Variants in SPON1 observed in about 807,000 individuals in gnomAD.
The protein encoded by SPON1 is spondin-1.
SPON1 carries 52 observed loss-of-function variants against 111.7 expected under a neutral mutation model. That is an observed-to-expected ratio of 0.47 (90% CI 0.37 to 0.59). The LOEUF is 0.59. SPON1 is among the 20% of genes least tolerant of loss of function. The pLI, the probability that SPON1 is intolerant of heterozygous loss-of-function variation, is 0.00. For missense variants in SPON1, 957 were observed against 1,068.5 expected (o/e 0.90, Z 1.46); for synonymous variants, 410 against 395.8 (o/e 1.04, Z -0.43).
intron 5 of SPON1, among the ~76,000 whole-genome samples, chr11:14,111,459 A>G (rs190376701): frequency 2.3e-4 from 35 of 152,332 alleles, no homozygotes; most frequent in African/African-American, 8.2e-4. Flanking sequence ...AGAAGTCTTC[A>G]CTTTTAAGAG....
intron 6 of SPON1, among the ~76,000 whole-genome samples, chr11:14,217,279 T>C (rs528143863): frequency 2.4e-4 from 36 of 152,338 alleles, no homozygotes; most frequent in Non-Finnish European, 1.2e-4. Flanking sequence ...GATCTAAAAG[T>C]AGCCCTATTC....
At chr11:13,987,617 G>A (rs1017169338) in intron 2 of SPON1, among the ~76,000 whole-genome samples, 7 of 152,132 alleles carry the variant, frequency 4.6e-5, no homozygotes, top group Non-Finnish European at 8.8e-5. Flanking sequence ...TAGACATGAA[G>A]TCTTTGCCCA....
At chr11:13,991,987 T>A (rs1848234588) in intron 2 of SPON1, among the ~76,000 whole-genome samples, 1 of 152,200 alleles carries the variant, frequency 6.6e-6, no homozygotes, top group African/African-American at 2.4e-5. Flanking sequence ...CTGTATGAGA[T>A]GTCTGTTGGT....
chr11:14,192,512 C>T (rs946678667), intron 6 of SPON1, among the ~76,000 whole-genome samples: 2 of 151,892 alleles, frequency 1.3e-5, no homozygotes, highest in Non-Finnish European at 2.9e-5. Flanking sequence ...GAAGCTGCCC[C>T]GTCAATGTGC....
chr11:14,070,345 C>T (rs1848865566), intron 3 of SPON1, among the ~76,000 whole-genome samples: 1 of 152,140 alleles, frequency 6.6e-6, no homozygotes, highest in Non-Finnish European at 1.5e-5. Context: ...ACCACAAACC[C>T]AACCTTCATT....
rs552817905 is a variant in SPON1 at position 14,258,555 on chromosome 11, C to T, written c.1492+657C>T. Among the ~76,000 whole-genome samples, 4 of 152,306 alleles carry T rather than the reference C, an allele frequency of 2.6e-5. No individual in the cohort carries two copies. The South Asian group carries it at 8.3e-4, about 32-fold the overall frequency. ...TATTCTGCCCTGATCTTATAGGATG[C>T]CATAAGGCAATGGGAAGGCACTGTA... On this transcript the variant is annotated intron_variant, in intron 11 of 15. Transcript: ENST00000576479.
chr11:14,208,900 T>C (rs1393407075), intron 6 of SPON1, among the ~76,000 whole-genome samples: 1 of 152,214 alleles, frequency 6.6e-6, no homozygotes, highest in Non-Finnish European at 1.5e-5. Context: ...AGTACTGTAG[T>C]ACTAGTCTTC....
intron 5 of SPON1, among the ~76,000 whole-genome samples, chr11:14,116,528 G>A (rs1849268203): frequency 6.6e-6 from 1 of 152,084 alleles, no homozygotes; most frequent in Non-Finnish European, 1.5e-5. Context: ...TACATCAAGT[G>A]ACTGTACATC....
intron 6 of SPON1, among the ~76,000 whole-genome samples, chr11:14,175,827 CCTT>C: frequency 6.6e-6 from 1 of 152,280 alleles, no homozygotes; most frequent in South Asian, 2.1e-4. Flanking sequence ...AGAAAATTAC[CCTT>C]TACTGTCTTA....
intron 2 of SPON1, among the ~76,000 whole-genome samples, chr11:14,036,450 G>C (rs1848594651): frequency 6.6e-6 from 1 of 152,144 alleles, no homozygotes; most frequent in South Asian, 2.1e-4. Context: ...TGACCTCCAG[G>C]GTTTCCGACT....
At chr11:13,996,075 T>G in intron 2 of SPON1, among the ~76,000 whole-genome samples, 1 of 152,040 alleles carries the variant, frequency 6.6e-6, no homozygotes, top group East Asian at 1.9e-4. Flanking sequence ...TATTTTTGCC[T>G]CACACCTCTA....
rs1849112513 is a variant in SPON1, at chr11:14,256,682, G to T, written c.1299G>T (p.Glu433Asp). 1 of 1,613,342 alleles carries T rather than the reference G, an allele frequency of 6.2e-7. No individual in the cohort carries two copies. The highest frequency in any genetic ancestry group is 1.7e-5 in the Admixed American group (1 of 59,938). ...DDIVADLAPE[E>D]KDEDDTPETC... ...TTGTAGCTGACCTGGCTCCAGAAGA[G>T]AAAGATGAAGGTACGTTGTTTTCTT... The change falls in exon 10 of 16, where the codon GAG (glutamate) becomes GAT (aspartate). Residue 433 changes from glutamate (E) to aspartate (D), a missense_variant. By Grantham distance (45) the Glu-to-Asp change is conservative (BLOSUM62 2). Coordinates refer to ENST00000576479, the MANE Select transcript of SPON1 (RefSeq NM_006108.4).
chr11:14,251,806 A>G (rs1554940687), intron 7 of SPON1, among the ~76,000 whole-genome samples: 1 of 152,210 alleles, frequency 6.6e-6, no homozygotes. Flanking sequence ...AGGTAATGCC[A>G]CACCTCCATA....
intron 7 of SPON1, 150 bp from the exon 8 acceptor site, chr11:14,254,378 C>G (rs1849084089): frequency 1.4e-6 from 1 of 693,516 alleles, no homozygotes; most frequent in South Asian, 1.9e-5. Context: ...AGGGTATAAA[C>G]CCACAGTGGC....
At chr11:14,063,937 C>G (rs906728153) in intron 3 of SPON1, among the ~76,000 whole-genome samples, 1 of 152,160 alleles carries the variant, frequency 6.6e-6, no homozygotes. Flanking sequence ...TGATTCAGAC[C>G]AGTCACTGTT....
At chr11:13,993,785 C>A (rs1428787888) in intron 2 of SPON1, among the ~76,000 whole-genome samples, 1 of 152,234 alleles carries the variant, frequency 6.6e-6, no homozygotes, top group Non-Finnish European at 1.5e-5. Context: ...ATGAACAGGA[C>A]AGAGCAGGCA....
At chr11:14,032,289 T>C (rs1214498378) in intron 2 of SPON1, among the ~76,000 whole-genome samples, 2 of 150,810 alleles carry the variant, frequency 1.3e-5, no homozygotes, top group Non-Finnish European at 3.0e-5. Flanking sequence ...GGTGGTGGAA[T>C]GATCAGGAAC....
intron 1 of SPON1, among the ~76,000 whole-genome samples, chr11:13,969,215 C>CAAAAAAAAAAAA (rs3047401): frequency 9.3e-6 from 1 of 106,980 alleles, no homozygotes; most frequent in Admixed American, 1.1e-4. Context: ...CCCATCTCTA[C>CAAAAAAAAAAAA]AAAAAAAAAA....
chr11:14,147,935 C>T (rs1481624073), intron 6 of SPON1, among the ~76,000 whole-genome samples: 8 of 152,076 alleles, frequency 5.3e-5, no homozygotes, highest in Non-Finnish European at 1.0e-4. Flanking sequence ...ACTTCATTTA[C>T]AATCATAGAA....
Sources: gnomAD v4.1 joint callset for allele counts (sites outside exome capture counted in the v4.1 genomes callset) on GRCh38, gnomAD v4.1.1 for gene constraint, MANE v1.5 for transcripts, NCBI Gene and HGNC (gene_info 2026-07-23, HGNC 2026-07-21) for gene names.